Variants in TSEN2 observed in about 807,000 individuals in gnomAD.
The protein encoded by TSEN2 is tRNA-splicing endonuclease subunit Sen2.
In TSEN2, 54 loss-of-function variants were observed where a neutral mutation model predicts 59.2. The ratio of observed to expected loss-of-function variants is 0.91; its 90% CI spans 0.73 to 1.14. The LOEUF is 1.14. Among genes scored for constraint, TSEN2 ranks in the 50% most tolerant of loss-of-function variants. The pLI is 0.00. For synonymous variants in TSEN2, 195 were observed against 198.2 expected, an observed-to-expected ratio of 0.98 and a Z score of 0.14; for missense variants, 636 against 576.2, an observed-to-expected ratio of 1.10 and a Z score of -1.06.
intron 10 of TSEN2, chr3:12,539,090 T>G (rs902125906): frequency 5.0e-5 from 21 of 417,756 alleles, no homozygotes; most frequent in East Asian, 7.4e-5. Flanking sequence ...GGGTTTTTGG[T>G]TTTTTTTACT....
At chr3:12,518,882 C>A (rs2056383027) in intron 7 of TSEN2, among the ~76,000 whole-genome samples, 177 bp from the exon 8 acceptor site, 1 of 152,038 alleles carries the variant, frequency 6.6e-6, no homozygotes, top group South Asian at 2.1e-4. Context: ...GCACTCCGGC[C>A]TGGGTGACAG....
At chr3:12,482,550 AT>A (rs11379990), upstream of TSEN2, among the ~76,000 whole-genome samples, 1 of 151,652 alleles carries the variant, frequency 6.6e-6, no homozygotes, top group Non-Finnish European at 1.5e-5. Flanking sequence ...AAATTTACAG[AT>A]TTTTTTTCTT....
chr3:12,531,690 C>T (rs371662385), intron 11 of TSEN2, 31 bp downstream of exon 11: 5 of 1,372,648 alleles, frequency 3.6e-6, no homozygotes, highest in Non-Finnish European at 5.2e-6. Flanking sequence ...TCATGTCATC[C>T]CAAAGATTCT....
At chr3:12,530,264 T>A (rs1044412359) in intron 10 of TSEN2, 14 of 1,006,624 alleles carry the variant, frequency 1.4e-5, no homozygotes, top group Non-Finnish European at 1.7e-5. Flanking sequence ...AGTTTGCAGA[T>A]CTCTTAGAGA....
upstream of TSEN2, among the ~76,000 whole-genome samples, chr3:12,483,026 C>A (rs1359428067): frequency 6.6e-6 from 1 of 152,164 alleles, no homozygotes; most frequent in African/African-American, 2.4e-5. Context: ...AGCAGAGGAC[C>A]CACTGAATGC....
At chr3:12,508,671 G>A (rs1442803893) in intron 6 of TSEN2, among the ~76,000 whole-genome samples, 1 of 152,128 alleles carries the variant, frequency 6.6e-6, no homozygotes, top group East Asian at 1.9e-4. Context: ...GTGTTTTCAT[G>A]CCTTTGCCTT....
chr3:12,490,027 A>C, intron 2 of TSEN2, 38 bp downstream of exon 2: 1 of 1,594,548 alleles, frequency 6.3e-7, no homozygotes, highest in Non-Finnish European at 8.6e-7. Context: ...ACTTTCAGAC[A>C]ACCCTGAGCA....
intron 1 of TSEN2, among the ~76,000 whole-genome samples, chr3:12,485,396 T>C (rs2052506951): frequency 9.4e-3 from 1 of 106 alleles, no homozygotes; most frequent in Non-Finnish European, 0.018. Context: ...TATGCAGCTC[T>C]GGAGTCAGGT....
At chr3:12,538,605 C>G (rs1353967684), downstream of TSEN2, among the ~76,000 whole-genome samples, 2 of 152,082 alleles carry the variant, frequency 1.3e-5, no homozygotes, top group Admixed American at 6.6e-5. Flanking sequence ...GGAAATTAGA[C>G]ATCAGTTAGT....
At chr3:12,487,646 A>G (rs1294980407) in intron 1 of TSEN2, among the ~76,000 whole-genome samples, 5 of 152,234 alleles carry the variant, frequency 3.3e-5, no homozygotes, top group Admixed American at 3.3e-4. Flanking sequence ...GCCCCCAAAA[A>G]GCAGTGTTTA....
chr3:12,537,133 T>A (rs1408425602), downstream of TSEN2, among the ~76,000 whole-genome samples: 3 of 151,816 alleles, frequency 2.0e-5, no homozygotes, highest in African/African-American at 7.3e-5. Context: ...TCTAAAGCTT[T>A]CCTTGAAAAT....
At chr3:12,501,408 T>C (rs1482781350) in intron 4 of TSEN2, among the ~76,000 whole-genome samples, 1 of 152,148 alleles carries the variant, frequency 6.6e-6, no homozygotes, top group Non-Finnish European at 1.5e-5. Context: ...CCTTACCAGG[T>C]GTTAATCTTT....
At chr3:12,501,709 C>G (rs949851447) in intron 4 of TSEN2, among the ~76,000 whole-genome samples, 11 of 152,086 alleles carry the variant, frequency 7.2e-5, no homozygotes, top group African/African-American at 2.7e-4. Flanking sequence ...GAGCACTGTT[C>G]AGTCTTCTTA....
At chr3:12,516,565 T>A (rs945907887) in intron 6 of TSEN2, 46 bp from the exon 7 acceptor site, 1 of 1,602,938 alleles carries the variant, frequency 6.2e-7, no homozygotes, top group Non-Finnish European at 8.5e-7. Context: ...TTCACAAGAA[T>A]GTGAAACTAT....
chr3:12,528,303 A>C (rs967125808), intron 8 of TSEN2, among the ~76,000 whole-genome samples: 2 of 152,236 alleles, frequency 1.3e-5, no homozygotes, highest in Non-Finnish European at 2.9e-5. Context: ...GAGGCAAGGC[A>C]AGATTGCCTG....
At position 12,516,677 on chromosome 3, in the gene TSEN2, T is replaced by C. The variant is rs1409112417; in HGVS notation, c.960+16T>C. On this transcript the variant is annotated intron_variant, in intron 7 of 11. Coordinates refer to ENST00000284995, the MANE Select transcript of TSEN2 (RefSeq NM_025265.4). The stretch of plus-strand genomic sequence containing the variant: ...CTATGAGAAGGTAAGATGCTTTGTT[T>C]ACATACAACCCACTTAAAATTTCCC... 1.2e-6 allele frequency: 2 copies of C among 1,613,126 alleles called. No individual in the cohort carries two copies. Among genetic ancestry groups the C allele is most frequent in the Non-Finnish European group, 1.7e-6 (2 of 1,179,154 alleles).
intron 11 of TSEN2, among the ~76,000 whole-genome samples, chr3:12,531,866 C>T (rs1349568551): frequency 6.6e-6 from 1 of 152,184 alleles, no homozygotes; most frequent in Non-Finnish European, 1.5e-5. Flanking sequence ...CTTAATTCCC[C>T]ACTTTATTAC....
intron 6 of TSEN2, among the ~76,000 whole-genome samples, chr3:12,508,512 G>A (rs569341810): frequency 1.3e-5 from 2 of 152,176 alleles, no homozygotes; most frequent in East Asian, 3.9e-4. Context: ...GGCAGAATGG[G>A]GTCTCACCCC....
At chr3:12,498,293 G>A (rs2053954702) in intron 4 of TSEN2, among the ~76,000 whole-genome samples, 1 of 151,994 alleles carries the variant, frequency 6.6e-6, no homozygotes, top group African/African-American at 2.4e-5. Context: ...CTTAGTCAAG[G>A]CCCCGCAGTT....
Sources: gnomAD v4.1 joint callset for allele counts (sites outside exome capture counted in the v4.1 genomes callset) on GRCh38, gnomAD v4.1.1 for gene constraint, MANE v1.5 for transcripts, NCBI Gene and HGNC (gene_info 2026-07-23, HGNC 2026-07-21) for gene names.